Variants in TXNRD1 observed in about 807,000 individuals in gnomAD.
TXNRD1 encodes thioredoxin reductase 1, cytoplasmic.
In TXNRD1, 57 loss-of-function variants were observed where a neutral mutation model predicts 80.3. That is an observed-to-expected ratio of 0.71 (90% CI 0.57 to 0.89). TXNRD1 has a LOEUF of 0.89. Ranked by LOEUF, TXNRD1 falls within the 40% of genes least tolerant of loss-of-function variation. TXNRD1 has a pLI of 0.00. For synonymous variants in TXNRD1, 291 were observed against 285.2 expected (o/e 1.02, Z -0.20); for missense variants, 730 against 803.0 (o/e 0.91, Z 1.10).
At chr12:104,258,930 GA>G (rs1439003649) in intron 3 of TXNRD1, among the ~76,000 whole-genome samples, 5 of 151,818 alleles carry the variant, frequency 3.3e-5, no homozygotes, top group Admixed American at 6.6e-5. Flanking sequence ...ACCTTGTATC[GA>G]AAAACAAAAA....
intron 3 of TXNRD1, among the ~76,000 whole-genome samples, chr12:104,280,092 T>G (rs2033846716): frequency 1.4e-5 from 2 of 140,852 alleles, no homozygotes; most frequent in African/African-American, 5.1e-5. Flanking sequence ...AATTCCTCTA[T>G]CCTACATCCC....
intron 4 of TXNRD1, chr12:104,303,793 C>A: frequency 1.5e-6 from 2 of 1,308,976 alleles, no homozygotes; most frequent in Non-Finnish European, 2.0e-6. Flanking sequence ...CTGGGAGGGC[C>A]GTTACCTCAG....
At chr12:104,225,097 T>C (rs1361152205) in intron 1 of TXNRD1, among the ~76,000 whole-genome samples, 1 of 152,234 alleles carries the variant, frequency 6.6e-6, no homozygotes, top group Non-Finnish European at 1.5e-5. Context: ...TAGGCATTGT[T>C]GTAGGTGCTG....
intron 4 of TXNRD1, among the ~76,000 whole-genome samples, chr12:104,302,705 G>T (rs1014236432): frequency 1.3e-5 from 2 of 151,844 alleles, no homozygotes; most frequent in Admixed American, 1.3e-4. Context: ...TAGCCAAGAT[G>T]GTCTCGATCT....
intron 1 of TXNRD1, among the ~76,000 whole-genome samples, chr12:104,243,560 G>A (rs1203305880): frequency 6.6e-6 from 1 of 152,186 alleles, no homozygotes; most frequent in Non-Finnish European, 1.5e-5. Flanking sequence ...TCTGAGAGTG[G>A]TGGTGTGTTT....
chr12:104,329,539 C>T (rs1332356805), intron 13 of TXNRD1, among the ~76,000 whole-genome samples: 2 of 151,808 alleles, frequency 1.3e-5, no homozygotes, highest in African/African-American at 4.8e-5. Flanking sequence ...GTCCCAGCTA[C>T]ACAGAGCGCT....
chr12:104,324,358 T>G (rs2035677750), intron 10 of TXNRD1, among the ~76,000 whole-genome samples: 1 of 148,340 alleles, frequency 6.7e-6, no homozygotes, highest in Non-Finnish European at 1.5e-5. Flanking sequence ...GTTTCGTTTT[T>G]TTTTTTTTTT....
chr12:104,236,245 A>G (rs1310783891), intron 1 of TXNRD1, among the ~76,000 whole-genome samples: 1 of 152,224 alleles, frequency 6.6e-6, no homozygotes, highest in East Asian at 1.9e-4. Context: ...GCTGAAAACA[A>G]AATGGAATTG....
chr12:104,258,595 G>A (rs1352263272), intron 3 of TXNRD1, among the ~76,000 whole-genome samples: 1 of 152,010 alleles, frequency 6.6e-6, no homozygotes, highest in Non-Finnish European at 1.5e-5. Context: ...TTTTTTGTGG[G>A]TCAGAAAATC....
chr12:104,262,434 T>A (rs1355462024), intron 3 of TXNRD1: 1 of 152,192 alleles, frequency 6.6e-6, no homozygotes, highest in African/African-American at 2.4e-5. Flanking sequence ...CTTGTAATCA[T>A]GGAGCTGGAA....
chr12:104,241,693 T>TTTTATTTATTTATTTA (rs112014885), intron 1 of TXNRD1, among the ~76,000 whole-genome samples: 1 of 151,386 alleles, frequency 6.6e-6, no homozygotes, highest in African/African-American at 2.4e-5. Flanking sequence ...TAAATTTTAC[T>TTTTATTTATTTATTTA]TTTATTTATT....
chr12:104,292,114 C>T (rs1485257567), intron 4 of TXNRD1, among the ~76,000 whole-genome samples: 2 of 152,196 alleles, frequency 1.3e-5, no homozygotes, highest in African/African-American at 2.4e-5. Context: ...ATCCCCTTTT[C>T]CCTGAATAAA....
At chr12:104,333,708 T>TCCTC (rs2036039460) in intron 14 of TXNRD1, among the ~76,000 whole-genome samples, 2 of 152,278 alleles carry the variant, frequency 1.3e-5, no homozygotes, top group South Asian at 4.2e-4. Context: ...CACCCTTCCT[T>TCCTC]CCTCCTTTCC....
chr12:104,348,744 T>C lies in TXNRD1; in HGVS notation c.*323T>C. On this transcript the variant is annotated 3_prime_UTR_variant, in exon 17 of 17. Coordinates refer to ENST00000525566, the MANE Select transcript of TXNRD1 (RefSeq NM_001093771.3). Reference sequence around the variant, plus strand: ...AATCAGTTTTAGCATGACCTTTCCTTGTGGATTTTCTTATTCTCGTTGTCA... The same window carrying C: ...AATCAGTTTTAGCATGACCTTTCCTCGTGGATTTTCTTATTCTCGTTGTCA... 1 of 283,120 alleles carries C rather than the reference T, an allele frequency of 3.5e-6. No homozygotes were observed. Among genetic ancestry groups the C allele is most frequent in the Non-Finnish European group, 6.6e-6 (1 of 151,362 alleles). 17.5% of individuals were successfully genotyped at this position (283,120 alleles called of 1,614,324 possible).
chr12:104,238,855 CT>C (rs57945714), intron 1 of TXNRD1, among the ~76,000 whole-genome samples: 3 of 150,680 alleles, frequency 2.0e-5, no homozygotes, highest in Admixed American at 6.6e-5. Flanking sequence ...GTTTTCTTTT[CT>C]TTTTTTTTGC....
At chr12:104,277,587 G>C (rs545573613) in intron 3 of TXNRD1, among the ~76,000 whole-genome samples, 6 of 152,072 alleles carry the variant, frequency 3.9e-5, no homozygotes, top group Non-Finnish European at 1.5e-5. Flanking sequence ...ATAAACAAAA[G>C]AAATAAAGAC....
chr12:104,303,506 GT>G (rs953316922), intron 4 of TXNRD1, among the ~76,000 whole-genome samples: 13 of 151,692 alleles, frequency 8.6e-5, no homozygotes, highest in Admixed American at 7.2e-4. Context: ...GTCCAAAAGT[GT>G]TTTTTTTTAA....
At chr12:104,243,388 T>C (rs1430534373) in intron 1 of TXNRD1, among the ~76,000 whole-genome samples, 1 of 152,240 alleles carries the variant, frequency 6.6e-6, no homozygotes, top group African/African-American at 2.4e-5. Flanking sequence ...TTATAGACAC[T>C]GTAATGGGTA....
intron 4 of TXNRD1, among the ~76,000 whole-genome samples, chr12:104,290,720 C>A (rs375558798): frequency 3.0e-4 from 17 of 55,862 alleles, no homozygotes; most frequent in Non-Finnish European, 4.4e-4. Context: ...AAGAAATATA[C>A]ATATATATAT....
Sources: allele counts gnomAD v4.1 joint callset (sites outside exome capture counted in the v4.1 genomes callset), GRCh38; gene constraint gnomAD v4.1.1; transcripts MANE v1.5; gene names NCBI Gene and HGNC (gene_info 2026-07-23, HGNC 2026-07-21).